The following AKT1S1 variants were observed in gnomAD, a reference collection of about 807,000 sequenced individuals.
AKT1S1 encodes AKT1 substrate 1.
Under a neutral mutation model 21.2 loss-of-function variants are expected in AKT1S1, and 17 were observed. The observed-to-expected ratio is 0.80, with a 90% CI of 0.55 to 1.20. The LOEUF is 1.20. AKT1S1 is among the 50% of genes most tolerant of loss of function. AKT1S1 has a pLI of 0.00. For synonymous variants in AKT1S1, 181 were observed against 165.6 expected (o/e 1.09, Z -0.72); for missense variants, 366 against 368.3 (o/e 0.99, Z 0.05).
At chr19:49,876,677 C>G (rs2074950139) in intron 1 of AKT1S1, 1 of 1,474,132 alleles carries the variant, frequency 6.8e-7, no homozygotes, top group African/African-American at 1.4e-5. Flanking sequence ...GCGTCACGTC[C>G]GCGCAGTTGC....
intron 1 of AKT1S1, chr19:49,876,371 G>C: frequency 8.5e-7 from 1 of 1,179,542 alleles, no homozygotes; most frequent in Non-Finnish European, 1.1e-6. Context: ...AGAGATCCCA[G>C]GCGCTCTGGA....
intron 1 of AKT1S1, chr19:49,876,226 T>A (rs1024869946): frequency 3.4e-5 from 36 of 1,057,028 alleles, no homozygotes; most frequent in Non-Finnish European, 4.1e-5. Flanking sequence ...GAGGACCCAC[T>A]GGTCTAGGAA....
In AKT1S1 at chr19:49,869,066, C is replaced by G. The variant is rs964450311; in HGVS notation, c.*851G>C. 1 of 152,562 alleles carries G rather than the reference C, an allele frequency of 6.6e-6. No homozygotes were observed. The highest frequency in any genetic ancestry group is 2.4e-5 in the African/African-American group (1 of 41,454). 9.5% of individuals were successfully genotyped at this position (152,562 alleles called of 1,614,324 possible). On this transcript the variant is annotated 3_prime_UTR_variant, in exon 5 of 5. Coordinates refer to ENST00000344175, the MANE Select transcript of AKT1S1 (RefSeq NM_001098633.4). Reference sequence around the variant, plus strand: ...TATCTCAGAGGTAAAACTCTTTAATCTCAGAGCGCCCCTCCCAACTGCCGA... The same window carrying G: ...TATCTCAGAGGTAAAACTCTTTAATGTCAGAGCGCCCCTCCCAACTGCCGA...
upstream of AKT1S1, chr19:49,878,093 G>A (rs1029700999): frequency 1.4e-6 from 2 of 1,477,290 alleles, no homozygotes; most frequent in African/African-American, 1.4e-5. Flanking sequence ...GGCTCCCCAG[G>A]CTGGTCCCCT....
intron 1 of AKT1S1, chr19:49,876,897 G>A (rs1008638876): frequency 1.2e-4 from 51 of 426,902 alleles, no homozygotes; most frequent in African/African-American, 9.2e-4. Flanking sequence ...GAAGGCAAGC[G>A]ACCTGACGTC....
At position 49,869,770 on chromosome 19, in the gene AKT1S1, G is replaced by A. The variant is rs537747092; in HGVS notation, c.*147C>T. The A allele has an allele frequency of 7.2e-6, 7 of 969,342 alleles. No individual in the cohort carries two copies. Among genetic ancestry groups the A allele is most frequent in the Admixed American group, 3.9e-5 (1 of 25,340 alleles). The allele number at this position is 969,342 out of a possible 1,614,324, so 60.0% of individuals were successfully genotyped here. On this transcript the variant is annotated 3_prime_UTR_variant, in exon 5 of 5. Coordinates refer to ENST00000344175, the MANE Select transcript of AKT1S1 (RefSeq NM_001098633.4). ...AGGTCGTGGGCTGGAAGGACGGCGG[G>A]GATTGGCAGAGGCGGGACAATCTTG...
Position 49,869,858 on chromosome 19 carries a change from G to T in AKT1S1, c.*59C>A. 1 of 1,393,148 alleles carries T rather than the reference G, an allele frequency of 7.2e-7. No individual in the cohort carries two copies. The highest frequency in any genetic ancestry group is 9.5e-7 in the Non-Finnish European group (1 of 1,056,370). 86.3% of individuals were successfully genotyped at this position (1,393,148 alleles called of 1,614,324 possible). A position where few individuals can be genotyped will look rare whatever the true frequency, so the allele number is the denominator to read the frequency against. On this transcript the variant is annotated 3_prime_UTR_variant, in exon 5 of 5. Transcript: ENST00000344175. ...CTCAGATTAGCAGGCCCCGGGAGTG[G>T]GGCGGGGGCGTAGTGTGGGACGGGG...
Position 49,873,516 on chromosome 19 carries a change from A to C in AKT1S1, c.-7-214T>G. The C allele has an allele frequency of 1.1e-6, 1 of 869,718 alleles. No homozygotes were observed. The highest frequency in any genetic ancestry group is 1.6e-6 in the Non-Finnish European group (1 of 628,396). The allele number at this position is 869,718 out of a possible 1,614,324, so 53.9% of individuals were successfully genotyped here. On this transcript the variant is annotated intron_variant, in intron 1 of 4. Transcript: ENST00000344175. The surrounding 1 kb of genome is among the most constrained non-coding windows in gnomAD (Gnocchi z 6.9). Reference sequence around the variant, plus strand: ...GACCCTGGCGACGTCCTCTGCCCCAACCCATTCCTCCTGCCCCAAGTCACT... The same window carrying C: ...GACCCTGGCGACGTCCTCTGCCCCACCCCATTCCTCCTGCCCCAAGTCACT...
In AKT1S1 at chr19:49,876,792, CT is replaced by C. The variant is rs1053392526; in HGVS notation, c.-8+444del. ...AACCAGTTGACAAGGGTGACGACAGCTTGCCCCTAAGAAAAATGGCCCCGCC... is the reference window on the plus strand; with the variant it reads ...AACCAGTTGACAAGGGTGACGACAGCTGCCCCTAAGAAAAATGGCCCCGCC... On this transcript the variant is annotated intron_variant, in intron 1 of 4. Transcript: ENST00000344175. The C allele has an allele frequency of 3.9e-5, 42 of 1,073,420 alleles. 1 individual carries two copies. In the African/African-American group the frequency reaches 5.5e-4, roughly 14 times the overall value. 66.5% of individuals were successfully genotyped at this position (1,073,420 alleles called of 1,614,324 possible). A position where few individuals can be genotyped will look rare whatever the true frequency, so the allele number is the denominator to read the frequency against.
Position 49,873,256 on chromosome 19 carries a change from C to G in AKT1S1, c.40G>C (p.Val14Leu). ...GRPEELWEAVVGAAERFRART... is the reference protein window; with the variant it reads ...GRPEELWEAVLGAAERFRART... ...GCCCGGAAGCGCTCAGCGGCCCCCA[C>G]CACGGCCTCCCACAGCTCCTCGGGG... The change falls in exon 2 of 5, where the codon GTG becomes CTG. Residue 14 changes from valine (V) to leucine (L), a missense_variant. Transcript: ENST00000344175. This position sits in a 1 kb window ranked among gnomAD's most constrained non-coding sequence, Gnocchi z 6.9. 1 of 1,533,324 alleles carries G rather than the reference C, an allele frequency of 6.5e-7. No individual in the cohort carries two copies. The highest frequency in any genetic ancestry group is 1.2e-5 in the South Asian group (1 of 83,898). 95.0% of individuals were successfully genotyped at this position (1,533,324 alleles called of 1,614,324 possible).
At chr19:49,872,824 G>T in intron 2 of AKT1S1, 93 bp downstream of exon 2, 1 of 1,410,100 alleles carries the variant, frequency 7.1e-7, no homozygotes, top group Non-Finnish European at 9.5e-7. Flanking sequence ...TTCTGTAGAA[G>T]TACTCTGGGC....
intron 2 of AKT1S1, among the ~76,000 whole-genome samples, chr19:49,872,675 T>C (rs1465163515): frequency 6.6e-6 from 1 of 152,156 alleles, no homozygotes. Flanking sequence ...CCGAGCCTGC[T>C]CTGTGTCCTT....
chr19:49,877,595 C>A, upstream of AKT1S1: 2 of 984,394 alleles, frequency 2.0e-6, no homozygotes, highest in South Asian at 1.7e-5. Flanking sequence ...TGGTTTCACC[C>A]GCTCCTTCTC....
intron 4 of AKT1S1, 35 bp downstream of exon 4, chr19:49,871,512 G>C (rs539407554): frequency 1.2e-6 from 2 of 1,612,644 alleles, no homozygotes; most frequent in South Asian, 1.1e-5. Context: ...AGCCCTTCCA[G>C]CTGCCCTCCC....
At chr19:49,878,023 G>A (rs1438931293), upstream of AKT1S1, 2 of 864,474 alleles carry the variant, frequency 2.3e-6, no homozygotes, top group East Asian at 2.7e-5. Context: ...TTGGTCCCGG[G>A]GCAATGGCCC....
Position 49,869,324 on chromosome 19 carries a change from AG to A in AKT1S1, c.*592del, listed in dbSNP as rs938025679. The A allele has an allele frequency of 1.3e-5, 2 of 152,760 alleles. No homozygotes were observed. The highest frequency in any genetic ancestry group is 4.8e-5 in the African/African-American group (2 of 41,450). 9.5% of individuals were successfully genotyped at this position (152,760 alleles called of 1,614,324 possible). Reference sequence around the variant, plus strand: ...CAGGGACAGTTTGGGGCCATCCCTGAGGGGGTCAGGGAACAAGTTGTCGGGA... The same window carrying A: ...CAGGGACAGTTTGGGGCCATCCCTGAGGGGTCAGGGAACAAGTTGTCGGGA... On this transcript the variant is annotated 3_prime_UTR_variant, in exon 5 of 5. Transcript: ENST00000344175.
chr19:49,869,871 G>A lies in AKT1S1; in HGVS notation c.*46C>T, dbSNP rs1397329990. On this transcript the variant is annotated 3_prime_UTR_variant, in exon 5 of 5. Coordinates refer to ENST00000344175, the MANE Select transcript of AKT1S1 (RefSeq NM_001098633.4). ...GCCCCGGGAGTGGGGCGGGGGCGTA[G>A]TGTGGGACGGGGCGGACGCGGCCCG... The A allele has an allele frequency of 7.0e-7, 1 of 1,431,082 alleles. No homozygotes were observed. The highest frequency in any genetic ancestry group is 2.5e-5 in the Admixed American group (1 of 40,632). The allele number at this position is 1,431,082 out of a possible 1,614,324, so 88.6% of individuals were successfully genotyped here.
rs895208117 is a variant in AKT1S1 at position 49,873,616 on chromosome 19, A to AGGCAGGGAGTCCT, written c.-7-327_-7-315dup. The AGGCAGGGAGTCCT allele has an allele frequency of 2.7e-6, 1 of 363,850 alleles. No individual in the cohort carries two copies. Among genetic ancestry groups the AGGCAGGGAGTCCT allele is most frequent in the Admixed American group, 4.9e-5 (1 of 20,522 alleles). 22.5% of individuals were successfully genotyped at this position (363,850 alleles called of 1,614,324 possible). A position where few individuals can be genotyped will look rare whatever the true frequency, so the allele number is the denominator to read the frequency against. ...CACATGTGAACAGGGAGTACTGGAA[A>AGGCAGGGAGTCCT]GGCAGGGAGTCCTAGCAGAGAGTCC... On this transcript the variant is annotated intron_variant, in intron 1 of 4. Transcript: ENST00000344175. This position sits in a 1 kb window ranked among gnomAD's most constrained non-coding sequence, Gnocchi z 6.9.
upstream of AKT1S1, chr19:49,878,304 A>T: frequency 1.4e-6 from 2 of 1,473,388 alleles, no homozygotes; most frequent in Non-Finnish European, 1.9e-6. Flanking sequence ...TCTGGGATGC[A>T]GGCGGCAGCT....
Sources: gnomAD v4.1 joint callset for allele counts (sites outside exome capture counted in the v4.1 genomes callset) on GRCh38, gnomAD v4.1.1 for gene constraint, Gnocchi (gnomAD v3.1) non-coding constraint, MANE v1.5 for transcripts, NCBI Gene and HGNC (gene_info 2026-07-23, HGNC 2026-07-21) for gene names.